CACNA1A: variants seen among roughly 807,000 people sequenced by gnomAD.
CACNA1A encodes the protein calcium voltage-gated channel subunit alpha1 A.
CACNA1A carries 57 observed loss-of-function variants against 262.4 expected under a neutral mutation model. That is an observed-to-expected ratio of 0.22 (90% CI 0.18 to 0.27). CACNA1A has a LOEUF of 0.27. CACNA1A is among the 10% of genes least tolerant of loss of function. CACNA1A has a pLI of 1.00. For missense variants in CACNA1A, 2,526 were observed against 3,562.8 expected (o/e 0.71, Z 7.41); for synonymous variants, 1,431 against 1,419.3 (o/e 1.01, Z -0.18).
intron 1 of CACNA1A, among the ~76,000 whole-genome samples, chr19:13,493,443 A>G (rs1310024294): frequency 6.6e-6 from 1 of 152,166 alleles, no homozygotes; most frequent in Non-Finnish European, 1.5e-5. Flanking sequence ...CTCCCCCTAC[A>G]TTCGTGACAA....
At chr19:13,441,618 C>T (rs1018823397) in intron 3 of CACNA1A, among the ~76,000 whole-genome samples, 6 of 149,744 alleles carry the variant, frequency 4.0e-5, no homozygotes, top group African/African-American at 9.9e-5. Flanking sequence ...GAGCCAAGAT[C>T]GCGCCACTGC....
At chr19:13,231,167 A>G (rs959001178) in intron 35 of CACNA1A, among the ~76,000 whole-genome samples, 1 of 144,352 alleles carries the variant, frequency 6.9e-6, no homozygotes, top group Non-Finnish European at 1.5e-5. Flanking sequence ...CCACGTGTGC[A>G]GCTAATTCAA....
chr19:13,465,537 T>C (rs1269336952), intron 1 of CACNA1A, among the ~76,000 whole-genome samples: 1 of 152,156 alleles, frequency 6.6e-6, no homozygotes, highest in Non-Finnish European at 1.5e-5. Flanking sequence ...TAGGCTGGAG[T>C]GCAGTGGTAT....
At chr19:13,344,686 T>C (rs909259239) in intron 6 of CACNA1A, among the ~76,000 whole-genome samples, 1 of 152,148 alleles carries the variant, frequency 6.6e-6, no homozygotes, top group South Asian at 2.1e-4. Flanking sequence ...TAAGCATTAG[T>C]TGCATAGTCA....
chr19:13,208,717 G>A (rs1395863281), intron 46 of CACNA1A, 39 bp downstream of exon 46: 28 of 1,531,844 alleles, frequency 1.8e-5, no homozygotes, highest in Non-Finnish European at 2.4e-5. Flanking sequence ...CCCGCCTCCC[G>A]GCCGAGCCCA....
At chr19:13,334,244 G>T in intron 8 of CACNA1A, 134 bp downstream of exon 8, 1 of 601,362 alleles carries the variant, frequency 1.7e-6, no homozygotes, top group South Asian at 2.1e-5. Context: ...ATAAAATTTG[G>T]GACTACCAAT....
intron 1 of CACNA1A, among the ~76,000 whole-genome samples, chr19:13,480,368 T>C (rs1979127707): frequency 6.6e-6 from 1 of 152,236 alleles, no homozygotes; most frequent in Admixed American, 6.5e-5. Flanking sequence ...TTCTCTTCCT[T>C]ATGATTTTCT....
intron 1 of CACNA1A, among the ~76,000 whole-genome samples, chr19:13,505,086 G>C (rs1433233797): frequency 6.6e-6 from 1 of 152,140 alleles, no homozygotes; most frequent in African/African-American, 2.4e-5. Flanking sequence ...CTCTAAAATG[G>C]ACCCACCACC....
chr19:13,235,520 C>T (rs2055844570), intron 32 of CACNA1A, 94 bp downstream of exon 32: 2 of 906,462 alleles, frequency 2.2e-6, no homozygotes, highest in Admixed American at 3.8e-5. Flanking sequence ...GACTACATCA[C>T]AGAGGCACTT....
At chr19:13,330,200 G>T in intron 10 of CACNA1A, 44 bp downstream of exon 10, 1 of 1,388,838 alleles carries the variant, frequency 7.2e-7, no homozygotes, top group Non-Finnish European at 1.0e-6. Flanking sequence ...TCTCTTGGGC[G>T]ATAGGTGATG....
chr19:13,254,265 G>A (rs756395736), intron 29 of CACNA1A, among the ~76,000 whole-genome samples: 1 of 152,122 alleles, frequency 6.6e-6, no homozygotes, highest in African/African-American at 2.4e-5. Flanking sequence ...CCAAAGCACA[G>A]GGTGAAAGGT....
chr19:13,382,877 A>T (rs1481976250), intron 3 of CACNA1A, among the ~76,000 whole-genome samples: 2 of 152,132 alleles, frequency 1.3e-5, no homozygotes, highest in Non-Finnish European at 2.9e-5. Context: ...TGGCAGTTTG[A>T]GGCCCATTTT....
chr19:13,480,525 G>T (rs568170721), intron 1 of CACNA1A, among the ~76,000 whole-genome samples: 17 of 152,114 alleles, frequency 1.1e-4, no homozygotes, highest in Non-Finnish European at 2.1e-4. Context: ...TTAAGCTTTG[G>T]GGGAGTCAGA....
chr19:13,207,382 C>A lies in CACNA1A; in HGVS notation c.7452G>T (p.Arg2484Ser), dbSNP rs777044475. 10 of 1,543,950 alleles carry A rather than the reference C, an allele frequency of 6.5e-6. No individual in the cohort carries two copies. The Admixed American group carries it at 7.6e-5, about 12-fold the overall frequency. Reference protein sequence around the residue: ...NGYYPAHGLARPRGPGSRKGL... With the variant: ...NGYYPAHGLASPRGPGSRKGL... The stretch of plus-strand genomic sequence containing the variant: ...CCTTCCTGGAGCCCGGCCCGCGGGG[C>A]CTGGCCAGTCCGTGCGCCGGGTAGT... The change falls in exon 47 of 47, where the codon AGG (arginine) becomes AGT (serine). Residue 2484 changes from arginine to serine, a missense_variant. Coordinates refer to ENST00000360228, the MANE Select transcript of CACNA1A (RefSeq NM_001127222.2). This position sits in a 1 kb window ranked among gnomAD's most constrained non-coding sequence, Gnocchi z 5.7.
rs1371942755 is a variant in CACNA1A, at chr19:13,241,067, AG to A, written c.4950+4114del. Among the ~76,000 whole-genome samples, 1 of 152,172 alleles carries A rather than the reference AG, an allele frequency of 6.6e-6. No homozygotes were observed. Among genetic ancestry groups the A allele is most frequent in the African/African-American group, 2.4e-5 (1 of 41,454 alleles). ...CTTGAGATGGAGGATTGGGGACAGCAGGATGGAGAGAGCTGGAGGGGCGAGG... is the reference window on the plus strand; with the variant it reads ...CTTGAGATGGAGGATTGGGGACAGCAGATGGAGAGAGCTGGAGGGGCGAGG... On this transcript the variant is annotated intron_variant, in intron 31 of 46. Transcript: ENST00000360228. The surrounding 1 kb of genome is among the most constrained non-coding windows in gnomAD (Gnocchi z 4.0).
At chr19:13,476,901 T>C (rs2145061567) in intron 1 of CACNA1A, among the ~76,000 whole-genome samples, 1 of 152,256 alleles carries the variant, frequency 6.6e-6, no homozygotes, top group Admixed American at 6.5e-5. Flanking sequence ...AAGTCTGTTC[T>C]TTTCACAGCA....
chr19:13,376,963 A>ATTT lies in CACNA1A; in HGVS notation c.540-5185_540-5184insAAA, dbSNP rs1300917426. On this transcript the variant is annotated intron_variant, in intron 3 of 46. Transcript: ENST00000360228. ...TTATATTACATATAACATGTTATAT[A>ATTT]TATATATGTATTTTAGATGAAGTCG... Among the ~76,000 whole-genome samples the ATTT allele has an allele frequency of 6.4e-5, 9 of 141,202 alleles. 1 individual carries two copies. The highest frequency in any genetic ancestry group is 2.0e-4 in the African/African-American group (8 of 39,914). 92.6% of individuals were successfully genotyped at this position (141,202 alleles called of 152,430 possible). A position where few individuals can be genotyped will look rare whatever the true frequency, so the allele number is the denominator to read the frequency against.
At chr19:13,339,146 G>A (rs2058631454) in intron 6 of CACNA1A, among the ~76,000 whole-genome samples, 1 of 152,130 alleles carries the variant, frequency 6.6e-6, no homozygotes, top group Admixed American at 6.5e-5. Flanking sequence ...TTACAGGCGT[G>A]AGCCACTGAG....
intron 1 of CACNA1A, among the ~76,000 whole-genome samples, chr19:13,482,375 C>T (rs1351903609): frequency 6.6e-6 from 1 of 151,052 alleles, no homozygotes; most frequent in Non-Finnish European, 1.5e-5. Flanking sequence ...CCCAGCTACT[C>T]GGGAGGCTGA....
Sources: gnomAD v4.1 joint callset for allele counts (sites outside exome capture counted in the v4.1 genomes callset) on GRCh38, gnomAD v4.1.1 for gene constraint, Gnocchi (gnomAD v3.1) non-coding constraint, MANE v1.5 for transcripts, NCBI Gene and HGNC (gene_info 2026-07-23, HGNC 2026-07-21) for gene names.